GUCY2C: variants seen among roughly 807,000 people sequenced by gnomAD.
GUCY2C encodes guanylate cyclase 2C, also known as guanylyl cyclase C.
GUCY2C carries 118 observed loss-of-function variants against 131.1 expected under a neutral mutation model. The ratio of observed to expected loss-of-function variants is 0.90; its 90% CI spans 0.78 to 1.05. The LOEUF is 1.05. Ranked by LOEUF, GUCY2C falls within the 50% of genes least tolerant of loss-of-function variation. The probability of loss-of-function intolerance (pLI) is 0.00; values close to 1 mark genes in which losing one functional copy is unlikely to be tolerated. For missense variants in GUCY2C, 1,161 were observed against 1,304.4 expected, an observed-to-expected ratio of 0.89 and a Z score of 1.69; for synonymous variants, 452 against 457.8, an observed-to-expected ratio of 0.99 and a Z score of 0.16.
chr12:14,640,957 G>T, intron 18 of GUCY2C, 125 bp downstream of exon 18: 2 of 817,618 alleles, frequency 2.4e-6, no homozygotes, highest in Non-Finnish European at 4.0e-6. Flanking sequence ...TAATGCAGAT[G>T]GGAAATCATT....
intron 20 of GUCY2C, among the ~76,000 whole-genome samples, chr12:14,626,292 G>A (rs971356267): frequency 1.3e-5 from 2 of 152,120 alleles, no homozygotes; most frequent in African/African-American, 4.8e-5. Flanking sequence ...CTGCACTCCA[G>A]CCTGGGTGAC....
rs113115216 is a variant in GUCY2C at position 14,692,618 on chromosome 12, C to T, written c.217+3614G>A. Among the ~76,000 whole-genome samples the T allele has an allele frequency of 9.3e-3, 1,421 of 152,200 alleles. 14 individuals carry two copies. Among genetic ancestry groups the T allele is most frequent in the African/African-American group, 0.033 (1,356 of 41,520 alleles). ...ATCCCAGCACTTTGGGAGGCCGAGGCGGGCAGATCACCTGAGGTCAGGAGT... is the reference window on the plus strand; with the variant it reads ...ATCCCAGCACTTTGGGAGGCCGAGGTGGGCAGATCACCTGAGGTCAGGAGT... On this transcript the variant is annotated intron_variant, in intron 1 of 26. Transcript: ENST00000261170.
intron 10 of GUCY2C, among the ~76,000 whole-genome samples, chr12:14,668,226 A>G (rs1353456529): frequency 6.6e-6 from 1 of 152,030 alleles, no homozygotes; most frequent in African/African-American, 2.4e-5. Context: ...GCTGGAGTGC[A>G]GTGGCGTGAT....
At chr12:14,623,386 A>C (rs1946934056) in intron 21 of GUCY2C, among the ~76,000 whole-genome samples, 1 of 152,200 alleles carries the variant, frequency 6.6e-6, no homozygotes, top group African/African-American at 2.4e-5. Context: ...GTATCCGGAG[A>C]AACCTTTTTA....
chr12:14,674,514 G>T, intron 8 of GUCY2C, 111 bp downstream of exon 8: 1 of 939,288 alleles, frequency 1.1e-6, no homozygotes. Context: ...TGAGTTCAAA[G>T]GGATTTAGCT....
intron 12 of GUCY2C, among the ~76,000 whole-genome samples, chr12:14,656,096 T>C (rs1317071417): frequency 6.6e-6 from 1 of 152,138 alleles, no homozygotes; most frequent in Non-Finnish European, 1.5e-5. Context: ...TGGTTGAAGG[T>C]AAATGTGAGC....
intron 10 of GUCY2C, among the ~76,000 whole-genome samples, chr12:14,665,218 G>GAAAA (rs550017739): frequency 1.2e-5 from 1 of 85,482 alleles, no homozygotes; most frequent in African/African-American, 4.0e-5. Flanking sequence ...TCCGTCTCAG[G>GAAAA]AAAAAAAAAA....
intron 19 of GUCY2C, among the ~76,000 whole-genome samples, chr12:14,629,831 T>C (rs1191663902): frequency 2.6e-5 from 4 of 152,196 alleles, no homozygotes; most frequent in Non-Finnish European, 1.5e-5. Flanking sequence ...TATTTTGAAG[T>C]GGTCTTAGTA....
intron 22 of GUCY2C, 121 bp from the exon 23 acceptor site, chr12:14,621,337 C>CCTG: frequency 1.2e-6 from 1 of 824,762 alleles, no homozygotes; most frequent in South Asian, 1.7e-5. Flanking sequence ...GAGCATAGCC[C>CCTG]TTTACACTTT....
At chr12:14,653,108 A>C in intron 12 of GUCY2C, 94 bp from the exon 13 acceptor site, 1 of 906,966 alleles carries the variant, frequency 1.1e-6, no homozygotes, top group East Asian at 2.4e-5. Flanking sequence ...GGTGGGCTGC[A>C]TCTGTTTCCT....
intron 1 of GUCY2C, among the ~76,000 whole-genome samples, chr12:14,692,677 G>A (rs527799021): frequency 6.6e-6 from 1 of 152,178 alleles, no homozygotes; most frequent in South Asian, 2.1e-4. Flanking sequence ...AAGAAACCCC[G>A]TCTCTACTAA....
At chr12:14,678,359 G>C (rs968479317) in intron 6 of GUCY2C, among the ~76,000 whole-genome samples, 5 of 152,202 alleles carry the variant, frequency 3.3e-5, no homozygotes, top group Non-Finnish European at 7.3e-5. Context: ...AACATAGCCA[G>C]GTGTCCTTTG....
intron 3 of GUCY2C, among the ~76,000 whole-genome samples, chr12:14,683,872 G>A (rs1189911718): frequency 2.6e-5 from 4 of 152,084 alleles, no homozygotes; most frequent in African/African-American, 9.7e-5. Context: ...AGTGTTTTGA[G>A]ATTTTTTCAT....
intron 10 of GUCY2C, among the ~76,000 whole-genome samples, chr12:14,663,495 C>T (rs1947910368): frequency 6.6e-6 from 1 of 152,212 alleles, no homozygotes; most frequent in Non-Finnish European, 1.5e-5. Context: ...GTTGGCCAGG[C>T]TGGTCTCGAA....
chr12:14,685,060 T>C (rs1305485291), intron 3 of GUCY2C, among the ~76,000 whole-genome samples: 1 of 152,140 alleles, frequency 6.6e-6, no homozygotes, highest in Non-Finnish European at 1.5e-5. Flanking sequence ...TGTCACCTTC[T>C]CTATTTGGGT....
intron 10 of GUCY2C, 89 bp from the exon 11 acceptor site, chr12:14,661,151 G>A: frequency 1.2e-6 from 1 of 818,022 alleles, no homozygotes; most frequent in Non-Finnish European, 2.1e-6. Context: ...TTTGGGGAAG[G>A]GAAAAGAGAA....
At chr12:14,663,002 G>T (rs572918179) in intron 10 of GUCY2C, among the ~76,000 whole-genome samples, 1 of 152,270 alleles carries the variant, frequency 6.6e-6, no homozygotes, top group East Asian at 1.9e-4. Flanking sequence ...AATGAAAAAG[G>T]TGTTCAATAA....
rs370587605 is a variant in GUCY2C at position 14,696,220 on chromosome 12, A to G, written c.217+12T>C. The G allele has an allele frequency of 6.2e-7, 1 of 1,600,454 alleles. No homozygotes were observed. The highest frequency in any genetic ancestry group is 8.6e-7 in the Non-Finnish European group (1 of 1,167,470). On this transcript the variant is annotated intron_variant, in intron 1 of 26. Coordinates refer to ENST00000261170, the MANE Select transcript of GUCY2C (RefSeq NM_004963.4). The stretch of plus-strand genomic sequence containing the variant: ...AACAGAGTGGAGGAAGATTCTATTA[A>G]CATTTTCTTACCAGCATTTTGCAGA...
chr12:14,627,220 C>T (rs1719945860), intron 20 of GUCY2C, among the ~76,000 whole-genome samples: 1 of 152,206 alleles, frequency 6.6e-6, no homozygotes, highest in Admixed American at 6.5e-5. Flanking sequence ...ACAAGAATAA[C>T]AATCACTTCT....
Sources: gnomAD v4.1 joint callset for allele counts (sites outside exome capture counted in the v4.1 genomes callset) on GRCh38, gnomAD v4.1.1 for gene constraint, MANE v1.5 for transcripts, NCBI Gene and HGNC (gene_info 2026-07-23, HGNC 2026-07-21) for gene names.